The following LYN variants were observed in gnomAD, a reference collection of about 807,000 sequenced individuals.
LYN encodes the protein LYN proto-oncogene, Src family tyrosine kinase.
LYN carries 12 observed loss-of-function variants against 65.0 expected under a neutral mutation model. That is an observed-to-expected ratio of 0.18 (90% CI 0.12 to 0.30). The LOEUF is 0.30. Among genes scored for constraint, LYN ranks in the 10% least tolerant of loss-of-function variants. The pLI is 1.00. For missense variants in LYN, 380 were observed against 623.2 expected (o/e 0.61, Z 4.16); for synonymous variants, 222 against 221.2 (o/e 1.00, Z -0.03).
chr8:55,929,391 A>G (rs189595131), intron 1 of LYN, among the ~76,000 whole-genome samples: 4 of 152,344 alleles, frequency 2.6e-5, no homozygotes, highest in Admixed American at 2.6e-4. Flanking sequence ...AACAGCTACC[A>G]GATCTGTGTA....
intron 7 of LYN, 31 bp downstream of exon 7, chr8:55,952,146 A>G: frequency 6.4e-7 from 1 of 1,550,530 alleles, no homozygotes; most frequent in Non-Finnish European, 8.7e-7. Flanking sequence ...CAACAAGACA[A>G]GATATATTTG....
chr8:55,967,471 T>A (rs1339049832), intron 9 of LYN, among the ~76,000 whole-genome samples: 1 of 151,782 alleles, frequency 6.6e-6, no homozygotes, highest in Non-Finnish European at 1.5e-5. Context: ...CGTGCCACCA[T>A]GCCCAGCTAA....
At chr8:55,946,520 A>AT (rs1806783404) in intron 3 of LYN, 27 bp downstream of exon 3, 2 of 1,534,538 alleles carry the variant, frequency 1.3e-6, no homozygotes, top group East Asian at 4.5e-5. Flanking sequence ...ACATAGTTAA[A>AT]ATTTTTTTTC....
At chr8:55,941,709 G>A in intron 1 of LYN, 146 bp from the exon 2 acceptor site, 1 of 556,110 alleles carries the variant, frequency 1.8e-6, no homozygotes, top group African/African-American at 1.9e-5. Flanking sequence ...ACCTATTTGG[G>A]AACAGTATTC....
At chr8:55,898,120 G>C (rs7831367) in intron 1 of LYN, among the ~76,000 whole-genome samples, 131,650 of 151,450 alleles carry the variant, frequency 0.87, 57,320 homozygotes, top group East Asian at 0.98. Flanking sequence ...AAAGTTCTGT[G>C]ACACCCTCCC....
intron 10 of LYN, among the ~76,000 whole-genome samples, chr8:55,997,908 C>T (rs1808419298): frequency 1.3e-5 from 2 of 152,046 alleles, no homozygotes; most frequent in South Asian, 2.1e-4. Flanking sequence ...CATGGTGAAA[C>T]CCCGTCTCTA....
chr8:55,968,403 C>T (rs1405402177), intron 9 of LYN, among the ~76,000 whole-genome samples: 1 of 152,086 alleles, frequency 6.6e-6, no homozygotes, highest in African/African-American at 2.4e-5. Flanking sequence ...TTACAGGTGC[C>T]TGCCACCATG....
At chr8:55,946,929 T>C (rs996972385) in intron 3 of LYN, among the ~76,000 whole-genome samples, 3 of 152,222 alleles carry the variant, frequency 2.0e-5, no homozygotes, top group Non-Finnish European at 2.9e-5. Context: ...TATTTCCTTC[T>C]AATAGTGAAT....
At chr8:55,988,720 C>T (rs1384060750) in intron 10 of LYN, among the ~76,000 whole-genome samples, 1 of 152,058 alleles carries the variant, frequency 6.6e-6, no homozygotes, top group Non-Finnish European at 1.5e-5. Flanking sequence ...AATTCTAAGA[C>T]AGGTTGCGTT....
At chr8:55,884,488 C>T (rs1218491726) in intron 1 of LYN, among the ~76,000 whole-genome samples, 1 of 152,010 alleles carries the variant, frequency 6.6e-6, no homozygotes, top group Non-Finnish European at 1.5e-5. Context: ...ACAGAGTTCG[C>T]TCTTGTCACC....
chr8:55,923,882 C>T (rs994784824), intron 1 of LYN, among the ~76,000 whole-genome samples: 1 of 149,004 alleles, frequency 6.7e-6, no homozygotes, highest in African/African-American at 2.5e-5. Context: ...TGACTTAGTG[C>T]CATTTGAAAA....
At chr8:55,911,421 C>T (rs1487464246) in intron 1 of LYN, among the ~76,000 whole-genome samples, 3 of 148,212 alleles carry the variant, frequency 2.0e-5, no homozygotes, top group Non-Finnish European at 4.5e-5. Flanking sequence ...CGCACCCAAC[C>T]GGTTTTTTAC....
intron 10 of LYN, among the ~76,000 whole-genome samples, chr8:55,981,962 G>T (rs374915252): frequency 6.6e-6 from 1 of 152,172 alleles, no homozygotes; most frequent in East Asian, 1.9e-4. Flanking sequence ...TAATTTGGAG[G>T]GAAAAAACCC....
chr8:55,964,074 G>T (rs1422498329), intron 8 of LYN, among the ~76,000 whole-genome samples: 1 of 152,124 alleles, frequency 6.6e-6, no homozygotes, highest in Non-Finnish European at 1.5e-5. Flanking sequence ...GCATTTAGAT[G>T]TCAGAACAAT....
At chr8:55,920,114 G>C (rs938500266) in intron 1 of LYN, among the ~76,000 whole-genome samples, 3 of 152,208 alleles carry the variant, frequency 2.0e-5, no homozygotes, top group African/African-American at 7.2e-5. Context: ...AGCATGGGCT[G>C]TAAATATAGT....
chr8:55,947,662 G>T lies in LYN; in HGVS notation c.223G>T (p.Asp75Tyr). The change falls in exon 4 of 13, where the codon GAT becomes TAT. Residue 75 changes from aspartate (D) to tyrosine (Y), a missense_variant. By Grantham distance (160) the Asp-to-Tyr change is radical. Around this residue, in one of 2 missense-constraint regions of LYN, gnomAD observed 157 missense variants for 193.2 expected, o/e 0.81. Transcript: ENST00000519728. ...GDIVVALYPY[D>Y]GIHPDDLSFK... ...CATTGTGGTAGCCTTGTACCCCTAT[G>T]ATGGCATCCACCCGGACGACTTGTC... 2 of 1,614,036 alleles carry T rather than the reference G, an allele frequency of 1.2e-6. No homozygotes were observed. The highest frequency in any genetic ancestry group is 1.7e-5 in the Admixed American group (1 of 60,018).
intron 10 of LYN, among the ~76,000 whole-genome samples, chr8:55,980,075 ACAGGGTCCC>A (rs1418397593): frequency 1.3e-5 from 2 of 152,214 alleles, no homozygotes; most frequent in African/African-American, 4.8e-5. Context: ...AGGTGGCCAC[ACAGGGTCCC>A]CCTGAGCCAT....
intron 12 of LYN, among the ~76,000 whole-genome samples, chr8:56,005,692 G>GA (rs1445593294): frequency 2.0e-5 from 3 of 152,180 alleles, no homozygotes; most frequent in African/African-American, 7.2e-5. Context: ...ATGAATTACA[G>GA]AAAAAAGAAA....
chr8:55,894,357 G>A (rs982716870), intron 1 of LYN, among the ~76,000 whole-genome samples: 6 of 142,894 alleles, frequency 4.2e-5, no homozygotes, highest in Non-Finnish European at 9.2e-5. Flanking sequence ...ATGCCACTGT[G>A]CCAGATTAAC....
Sources: gnomAD v4.1 joint callset for allele counts (sites outside exome capture counted in the v4.1 genomes callset) on GRCh38, gnomAD v4.1.1 for gene constraint, gnomAD v4.1.1 regional missense constraint, MANE v1.5 for transcripts, NCBI Gene and HGNC (gene_info 2026-07-23, HGNC 2026-07-21) for gene names.